PRKCE: variants seen among roughly 807,000 people sequenced by gnomAD.
PRKCE encodes protein kinase C epsilon type.
Under a neutral mutation model 85.4 loss-of-function variants are expected in PRKCE, and 16 were observed. The ratio of observed to expected loss-of-function variants is 0.19; its 90% CI spans 0.13 to 0.28. The LOEUF (loss-of-function observed/expected upper bound fraction) is 0.28, where lower values mean the gene tolerates loss of function less well. Among genes scored for constraint, PRKCE ranks in the 10% least tolerant of loss-of-function variants. The pLI, the probability that PRKCE is intolerant of heterozygous loss-of-function variation, is 1.00. For missense variants in PRKCE, 573 were observed against 975.2 expected, an observed-to-expected ratio of 0.59 and a Z score of 5.49; for synonymous variants, 388 against 371.5, an observed-to-expected ratio of 1.04 and a Z score of -0.51.
intron 1 of PRKCE, chr2:45,677,823 C>T (rs905317451): frequency 4.3e-5 from 42 of 985,062 alleles, no homozygotes; most frequent in Non-Finnish European, 5.1e-5. Flanking sequence ...GTGGAAAATT[C>T]TGTTTCAGAG....
At chr2:45,828,910 T>A (rs11125035) in intron 1 of PRKCE, among the ~76,000 whole-genome samples, 95,770 of 152,042 alleles carry the variant, frequency 0.63, 31,467 homozygotes, top group African/African-American at 0.82. Flanking sequence ...TACCACATAC[T>A]TATTTTAGTT....
At chr2:45,971,469 A>G (rs1472640152) in intron 2 of PRKCE, among the ~76,000 whole-genome samples, 2 of 152,244 alleles carry the variant, frequency 1.3e-5, no homozygotes, top group Non-Finnish European at 2.9e-5. Flanking sequence ...CTAAGGACAT[A>G]GAAATCTGCT....
chr2:45,778,026 C>T (rs74262728), intron 1 of PRKCE, among the ~76,000 whole-genome samples: 2 of 134,930 alleles, frequency 1.5e-5, no homozygotes, highest in East Asian at 4.7e-4. Flanking sequence ...ACCCAGAGGA[C>T]TGGAGGGTGG....
chr2:45,869,704 C>CTTTTTT (rs1246509613), intron 2 of PRKCE, among the ~76,000 whole-genome samples: 4 of 116,862 alleles, frequency 3.4e-5, no homozygotes, highest in Admixed American at 1.1e-4. Flanking sequence ...GTTTCTCTCT[C>CTTTTTT]TCTTTTTTTT....
At chr2:46,144,057 G>T (rs1260591088) in intron 11 of PRKCE, among the ~76,000 whole-genome samples, 4 of 152,220 alleles carry the variant, frequency 2.6e-5, no homozygotes, top group Non-Finnish European at 5.9e-5. Context: ...CCACCACCCA[G>T]TCTGGGTTCT....
intron 2 of PRKCE, among the ~76,000 whole-genome samples, chr2:45,872,914 T>C (rs192163667): frequency 1.8e-4 from 27 of 152,316 alleles, no homozygotes; most frequent in Non-Finnish European, 3.1e-4. Context: ...TCTGGAGCTG[T>C]GTGCTCAAGG....
At chr2:46,127,010 T>C (rs1323766521) in intron 11 of PRKCE, among the ~76,000 whole-genome samples, 5 of 152,228 alleles carry the variant, frequency 3.3e-5, no homozygotes, top group Non-Finnish European at 7.3e-5. Flanking sequence ...CAGTGAGTGC[T>C]ATTTTAAGCC....
chr2:45,835,602 T>G (rs918604966), intron 1 of PRKCE, among the ~76,000 whole-genome samples: 26 of 151,700 alleles, frequency 1.7e-4, no homozygotes, highest in East Asian at 3.9e-4. Context: ...TATTTGTTTT[T>G]TTTTTTTTTT....
At chr2:46,093,055 C>G (rs902645159) in intron 11 of PRKCE, among the ~76,000 whole-genome samples, 2 of 152,166 alleles carry the variant, frequency 1.3e-5, no homozygotes, top group Non-Finnish European at 2.9e-5. Flanking sequence ...ACTGAGGGTA[C>G]TTGGGGATCG....
intron 1 of PRKCE, among the ~76,000 whole-genome samples, chr2:45,724,051 G>A (rs1680852753): frequency 6.6e-6 from 1 of 152,214 alleles, no homozygotes; most frequent in East Asian, 1.9e-4. Flanking sequence ...TCTGGGCAGT[G>A]TGCTGGCATC....
intron 11 of PRKCE, among the ~76,000 whole-genome samples, chr2:46,097,179 G>A (rs971498813): frequency 7.9e-5 from 12 of 152,086 alleles, no homozygotes; most frequent in South Asian, 2.1e-4. Flanking sequence ...CGTGCATGAC[G>A]GTAACCAATG....
intron 1 of PRKCE, among the ~76,000 whole-genome samples, chr2:45,770,530 G>C (rs540903593): frequency 6.6e-6 from 1 of 152,158 alleles, no homozygotes; most frequent in Non-Finnish European, 1.5e-5. Context: ...CTGAATGTTG[G>C]TTGAGCGTCC....
In PRKCE at chr2:45,783,738, G is replaced by A. The variant is rs544905466; in HGVS notation, c.349-59262G>A. The stretch of plus-strand genomic sequence containing the variant: ...TAACCTGTTCTCTGGTCACAGGATG[G>A]TGTTTCTCTGGGTGTGGCTCACGAG... On this transcript the variant is annotated intron_variant, in intron 1 of 14. Transcript: ENST00000306156. Among the ~76,000 whole-genome samples the A allele has an allele frequency of 2.6e-5, 4 of 152,312 alleles. No homozygotes were observed. In the South Asian group the frequency reaches 6.2e-4, roughly 24 times the overall value.
chr2:46,031,590 TCGTGTGTGTGTG>T (rs1437618425), intron 10 of PRKCE, among the ~76,000 whole-genome samples: 2 of 109,602 alleles, frequency 1.8e-5, no homozygotes, highest in Non-Finnish European at 3.8e-5. Context: ...TACATTCTGC[TCGTGTGTGTGTG>T]TGTGTGTGTG....
intron 1 of PRKCE, among the ~76,000 whole-genome samples, chr2:45,724,330 A>T (rs1680878241): frequency 6.6e-6 from 1 of 152,194 alleles, no homozygotes; most frequent in Non-Finnish European, 1.5e-5. Context: ...CTTAATTGAT[A>T]AATGTTGTGT....
intron 2 of PRKCE, among the ~76,000 whole-genome samples, chr2:45,959,004 G>A (rs1056551183): frequency 4.6e-5 from 7 of 151,032 alleles, no homozygotes; most frequent in African/African-American, 1.7e-4. Context: ...GCACATTTCA[G>A]GCTGACAGGT....
intron 1 of PRKCE, among the ~76,000 whole-genome samples, chr2:45,730,059 A>T (rs913829049): frequency 6.6e-6 from 1 of 152,234 alleles, no homozygotes; most frequent in Admixed American, 6.5e-5. Flanking sequence ...AAAGAGGAAG[A>T]AAAACAGAAA....
intron 1 of PRKCE, among the ~76,000 whole-genome samples, chr2:45,724,398 C>A (rs1329217512): frequency 6.6e-6 from 1 of 152,188 alleles, no homozygotes; most frequent in Non-Finnish European, 1.5e-5. Context: ...CTCCTTCAGC[C>A]TCTCTAATTC....
intron 2 of PRKCE, among the ~76,000 whole-genome samples, chr2:45,950,915 A>G (rs1006062338): frequency 2.6e-5 from 4 of 152,110 alleles, no homozygotes; most frequent in Admixed American, 1.3e-4. Context: ...TATCAGCCTC[A>G]TTTCTTTGAC....
Sources: gnomAD v4.1 joint callset for allele counts (sites outside exome capture counted in the v4.1 genomes callset) on GRCh38, gnomAD v4.1.1 for gene constraint, MANE v1.5 for transcripts, NCBI Gene and HGNC (gene_info 2026-07-23, HGNC 2026-07-21) for gene names.